KIRREL1: variants seen among roughly 807,000 people sequenced by gnomAD.
The protein encoded by KIRREL1 is kirre like nephrin family adhesion molecule 1.
In KIRREL1, 25 loss-of-function variants were observed where a neutral mutation model predicts 83.3. The ratio of observed to expected loss-of-function variants is 0.30; its 90% CI spans 0.22 to 0.42. KIRREL1 has a LOEUF of 0.42. KIRREL1 is among the 10% of genes least tolerant of loss of function. KIRREL1 has a pLI of 1.00. For synonymous variants in KIRREL1, 388 were observed against 410.4 expected (o/e 0.95, Z 0.66); for missense variants, 812 against 1,032.3 (o/e 0.79, Z 2.92).
Position 158,081,119 on chromosome 1 carries a change from C to G in KIRREL1, c.352+2979C>G, listed in dbSNP as rs1182742606. On this transcript the variant is annotated intron_variant, in intron 3 of 14. Coordinates refer to ENST00000359209, the MANE Select transcript of KIRREL1 (RefSeq NM_018240.7). Reference sequence around the variant, plus strand: ...GGACTTTGAAAAGAAGCCTCCCACTCCCCCGCAGATGCAGACATAACATAG... The same window carrying G: ...GGACTTTGAAAAGAAGCCTCCCACTGCCCCGCAGATGCAGACATAACATAG... Among the ~76,000 whole-genome samples, 2 of 142,002 alleles carry G rather than the reference C, an allele frequency of 1.4e-5. 1 individual carries two copies. Among genetic ancestry groups the G allele is most frequent in the Non-Finnish European group, 3.2e-5 (2 of 63,228 alleles). The allele number at this position is 142,002 out of a possible 152,430, so 93.2% of individuals were successfully genotyped here.
intron 1 of KIRREL1, among the ~76,000 whole-genome samples, chr1:158,066,314 G>C (rs1159116239): frequency 6.6e-6 from 1 of 151,736 alleles, no homozygotes; most frequent in Non-Finnish European, 1.5e-5. Context: ...TCTTCCCCTT[G>C]CTTGTCTCTC....
At chr1:158,085,495 C>G (rs150771998) in intron 4 of KIRREL1, among the ~76,000 whole-genome samples, 27 of 152,322 alleles carry the variant, frequency 1.8e-4, no homozygotes, top group African/African-American at 6.5e-4. Flanking sequence ...CAACCAAAAA[C>G]TGTGATTTTT....
In KIRREL1 at chr1:158,042,689, G is replaced by C. The variant is rs1660661820; in HGVS notation, c.53-33424G>C. ...GGTACGACTATTCCCCAGTTTTGCA[G>C]ATGAGAAAATGGATGCAGATTGGCT... On this transcript the variant is annotated intron_variant, in intron 1 of 14. Coordinates refer to ENST00000359209, the MANE Select transcript of KIRREL1 (RefSeq NM_018240.7). Among the ~76,000 whole-genome samples, 5 of 152,130 alleles carry C rather than the reference G, an allele frequency of 3.3e-5. No individual in the cohort carries two copies. In the South Asian group the frequency reaches 1.0e-3, roughly 31 times the overall value.
At chr1:158,008,900 CA>C (rs1397125771) in intron 1 of KIRREL1, among the ~76,000 whole-genome samples, 1 of 152,282 alleles carries the variant, frequency 6.6e-6, no homozygotes, top group East Asian at 1.9e-4. Context: ...CAGCACAGGA[CA>C]GGATGTAATG....
intron 1 of KIRREL1, among the ~76,000 whole-genome samples, chr1:157,998,309 G>A (rs1175372471): frequency 6.6e-6 from 1 of 152,022 alleles, no homozygotes; most frequent in Admixed American, 6.6e-5. Context: ...GGATTTTCCT[G>A]GTCCATAGCA....
At chr1:158,086,516 C>T in intron 4 of KIRREL1, 80 bp from the exon 5 acceptor site, 1 of 1,446,166 alleles carries the variant, frequency 6.9e-7, no homozygotes, top group Non-Finnish European at 9.4e-7. Context: ...AGCCCAAGCC[C>T]ATCTCTGAGT....
At chr1:158,077,649 C>G (rs1489012472) in intron 2 of KIRREL1, among the ~76,000 whole-genome samples, 1 of 152,202 alleles carries the variant, frequency 6.6e-6, no homozygotes, top group South Asian at 2.1e-4. Flanking sequence ...CCCACACACT[C>G]GCTCTCCCTC....
At chr1:158,078,819 G>A (rs115138606) in intron 3 of KIRREL1, among the ~76,000 whole-genome samples, 2,982 of 152,280 alleles carry the variant, frequency 0.02, 40 homozygotes, top group Non-Finnish European at 0.03. Flanking sequence ...CCCTGCGCCA[G>A]CCAGGCAGCC....
chr1:158,041,394 G>A (rs1660623896), intron 1 of KIRREL1, among the ~76,000 whole-genome samples: 1 of 152,202 alleles, frequency 6.6e-6, no homozygotes, highest in Non-Finnish European at 1.5e-5. Flanking sequence ...TTCAGGAGGG[G>A]AATCATTTAA....
At chr1:158,061,412 A>T (rs144340760) in intron 1 of KIRREL1, among the ~76,000 whole-genome samples, 61 of 152,306 alleles carry the variant, frequency 4.0e-4, no homozygotes, top group African/African-American at 1.4e-3. Context: ...GGGGGTGGGC[A>T]ACACAGGGAG....
At chr1:158,052,482 A>G (rs1660933352) in intron 1 of KIRREL1, among the ~76,000 whole-genome samples, 1 of 152,140 alleles carries the variant, frequency 6.6e-6, no homozygotes, top group African/African-American at 2.4e-5. Context: ...GATAATTTAT[A>G]AAGAAAAGAG....
intron 1 of KIRREL1, among the ~76,000 whole-genome samples, chr1:158,067,552 A>G (rs1661388356): frequency 1.3e-5 from 2 of 152,350 alleles, no homozygotes; most frequent in South Asian, 4.1e-4. Flanking sequence ...TAGAGATGGG[A>G]AGGCCCTTGG....
At chr1:158,000,262 C>G (rs929291695) in intron 1 of KIRREL1, among the ~76,000 whole-genome samples, 1 of 152,120 alleles carries the variant, frequency 6.6e-6, no homozygotes, top group Non-Finnish European at 1.5e-5. Flanking sequence ...ACAGATATCT[C>G]TCATCTTTAC....
At position 158,010,358 on chromosome 1, in the gene KIRREL1, CACA is replaced by C. The variant is rs1190158261; in HGVS notation, c.52+16631_52+16633del. Among the ~76,000 whole-genome samples the C allele has an allele frequency of 2.2e-3, 297 of 137,954 alleles. 5 individuals are homozygous for C. Among genetic ancestry groups the C allele is most frequent in the Middle Eastern group, 3.9e-3 (1 of 258 alleles). 90.5% of individuals were successfully genotyped at this position (137,954 alleles called of 152,430 possible). A position where few individuals can be genotyped will look rare whatever the true frequency, so the allele number is the denominator to read the frequency against. On this transcript the variant is annotated intron_variant, in intron 1 of 14. Transcript: ENST00000359209. ...ACACACACACACACACACACACACA[CACA>C]CCCCACACAGTCCTGAGAATGTCAC...
intron 1 of KIRREL1, among the ~76,000 whole-genome samples, chr1:158,011,863 G>T (rs566685072): frequency 6.6e-6 from 1 of 152,164 alleles, no homozygotes; most frequent in Admixed American, 6.5e-5. Context: ...TCCCTGGACC[G>T]GGTCCCCTCT....
intron 1 of KIRREL1, among the ~76,000 whole-genome samples, chr1:158,001,858 A>G (rs1017747439): frequency 4.6e-5 from 7 of 151,798 alleles, no homozygotes; most frequent in African/African-American, 1.7e-4. Context: ...TCTTGCAAAG[A>G]CTCCCCTGTA....
chr1:158,084,359 T>C, intron 3 of KIRREL1, 63 bp from the exon 4 acceptor site: 1 of 1,450,428 alleles, frequency 6.9e-7, no homozygotes, highest in Non-Finnish European at 9.2e-7. Flanking sequence ...GAGGCAGGAG[T>C]TTTGGTCTTC....
intron 1 of KIRREL1, among the ~76,000 whole-genome samples, chr1:157,997,581 C>T (rs542068466): frequency 6.6e-6 from 1 of 152,144 alleles, no homozygotes; most frequent in South Asian, 2.1e-4. Context: ...TTGTGGCAGA[C>T]CCAGAAGGGG....
At position 158,093,619 on chromosome 1, in the gene KIRREL1, C is replaced by T; in HGVS notation, c.1580-4C>T. 1 of 1,614,110 alleles carries T rather than the reference C, an allele frequency of 6.2e-7. No homozygotes were observed. The highest frequency in any genetic ancestry group is 8.5e-7 in the Non-Finnish European group (1 of 1,179,992). ...CTTGTTCCAGGCTGCCTCTCCCGTC[C>T]CAGGTCGCAAAGACGTGACCCTGAG... On this transcript the variant is annotated splice_polypyrimidine_tract_variant and splice_region_variant and intron_variant, in intron 12 of 14. Transcript: ENST00000359209.
Sources: allele counts gnomAD v4.1 joint callset (sites outside exome capture counted in the v4.1 genomes callset), GRCh38; gene constraint gnomAD v4.1.1; transcripts MANE v1.5; gene names NCBI Gene and HGNC (gene_info 2026-07-23, HGNC 2026-07-21).